PPRC1: variants seen among roughly 807,000 people sequenced by gnomAD.
The protein encoded by PPRC1 is peroxisome proliferator-activated receptor gamma coactivator-related protein 1.
Under a neutral mutation model 132.5 loss-of-function variants are expected in PPRC1, and 23 were observed. The observed-to-expected ratio is 0.17, with a 90% confidence interval of 0.12 to 0.25. PPRC1 has a LOEUF of 0.25. Among genes scored for constraint, PPRC1 ranks in the 10% least tolerant of loss-of-function variants. PPRC1 has a pLI of 1.00. For synonymous variants in PPRC1, 872 were observed against 833.5 expected, an observed-to-expected ratio of 1.05 and a Z score of -0.80; for missense variants, 2,006 against 2,089.1, an observed-to-expected ratio of 0.96 and a Z score of 0.78.
rs141178444 is a variant in PPRC1, at chr10:102,141,493, T to C, written c.2985T>C (p.Ser995=). Residue 995 remains serine, a synonymous_variant, in exon 5 of 14, where the codon TCT becomes TCC. Coordinates refer to ENST00000278070, the MANE Select transcript of PPRC1 (RefSeq NM_015062.5). ...GGCCTCAACATGCTCCATTCTGGTC[T>C]ACTGTTCCCCCACCTCCTTTGCCTC... The part of the protein sequence containing the change: ...GPGPQHAPFW[S]TVPPPPLPPA... 227 of 1,613,850 alleles carry C rather than the reference T, an allele frequency of 1.4e-4. 2 individuals are homozygous for C. In the African/African-American group the frequency reaches 2.5e-3, roughly 18 times the overall value.
chr10:102,134,344 A>G (rs1218995326), intron 1 of PPRC1, among the ~76,000 whole-genome samples: 1 of 152,158 alleles, frequency 6.6e-6, no homozygotes, highest in Admixed American at 6.5e-5. Context: ...AACATGTTCA[A>G]CAGTTGAACA....
At chr10:102,129,249 TC>T (rs765147226), upstream of PPRC1, among the ~76,000 whole-genome samples, 3 of 152,114 alleles carry the variant, frequency 2.0e-5, no homozygotes, top group Non-Finnish European at 2.9e-5. Flanking sequence ...AAATTATAAG[TC>T]AGTTATTATA....
Position 102,145,443 on chromosome 10 carries a change from C to T in PPRC1, c.3679+353C>T, listed in dbSNP as rs145947208. On this transcript the variant is annotated intron_variant, in intron 8 of 13. Transcript: ENST00000278070. ...AAAATTAGTTGGGCGTGGTGGTACA[C>T]GCCTGTAGTCCCAGCTACTTGGGAG... Among the ~76,000 whole-genome samples the T allele has an allele frequency of 4.7e-3, 709 of 151,924 alleles. 10 individuals carry two copies. Among genetic ancestry groups the T allele is most frequent in the African/African-American group, 0.016 (674 of 41,384 alleles).
At chr10:102,120,418 C>A in the PPRC1 span, 2 of 982,826 alleles carry the variant, frequency 2.0e-6, no homozygotes, top group Non-Finnish European at 2.4e-6. Flanking sequence ...TGTGCGCTCC[C>A]GCCGCCGTCG....
At position 102,145,243 on chromosome 10, in the gene PPRC1, G is replaced by A. The variant is rs545448344; in HGVS notation, c.3679+153G>A. On this transcript the variant is annotated intron_variant, in intron 8 of 13. Transcript: ENST00000278070. ...CAGTCTAGGGGGCAGACTTGTAAAC[G>A]AATGAGCATGTTGAGTATCAGGTGC... Among the ~76,000 whole-genome samples the A allele has an allele frequency of 9.8e-5, 15 of 152,344 alleles. No homozygotes were observed. The South Asian group carries it at 2.9e-3, about 29-fold the overall frequency.
upstream of PPRC1, among the ~76,000 whole-genome samples, chr10:102,132,004 A>G (rs919006886): frequency 1.3e-4 from 20 of 152,258 alleles, no homozygotes; most frequent in Non-Finnish European, 2.6e-4. Context: ...TTCATAAAAT[A>G]GAACTGGTGC....
In PPRC1 at chr10:102,149,203, C is replaced by T; in HGVS notation, c.4765C>T (p.Arg1589Cys). The change falls in exon 13 of 14, where the codon CGC (arginine) becomes TGC (cysteine). Residue 1589 changes from arginine (R) to cysteine (C), a missense_variant. This residue lies in a region of PPRC1 where 92 missense variants were observed against 171.9 expected (regional missense o/e 0.54). Coordinates refer to ENST00000278070, the MANE Select transcript of PPRC1 (RefSeq NM_015062.5). ...GGACAACTACGGCTTCGTCACTTAT[C>T]GCTATGCTGAGGAGGCATTTGCAGC... ...QGDNYGFVTY[R>C]YAEEAFAAIE... The T allele has an allele frequency of 6.2e-7, 1 of 1,603,430 alleles. No homozygotes were observed. Among genetic ancestry groups the T allele is most frequent in the Non-Finnish European group, 8.5e-7 (1 of 1,174,408 alleles).
chr10:102,144,742 G>T, intron 7 of PPRC1: 1 of 503,724 alleles, frequency 2.0e-6, no homozygotes, highest in South Asian at 2.6e-5. Flanking sequence ...ATTGATTTCA[G>T]GTTGGTGTGA....
rs139199277 is a variant in PPRC1 at position 102,137,866 on chromosome 10, A to C, written c.170A>C (p.Glu57Ala). 6.3e-5 allele frequency: 102 copies of C among 1,613,514 alleles called. No individual in the cohort carries two copies. The highest frequency in any genetic ancestry group is 8.1e-5 in the Non-Finnish European group (95 of 1,179,874). Residue 57 changes from glutamate to alanine, a missense_variant, in exon 2 of 14, where the codon GAG becomes GCG. Physicochemically the swap from Glu to Ala is moderately radical, Grantham distance 107. Around this residue, in one of 2 missense-constraint regions of PPRC1, gnomAD observed 1,914 missense variants for 1,917.2 expected, o/e 1.00. Coordinates refer to ENST00000278070, the MANE Select transcript of PPRC1 (RefSeq NM_015062.5). Reference sequence around the variant, plus strand: ...CTGCTCCAGGTGCTGCTGCATGAGGAGGCGGGTGATTCTGGCTTTGTCAGT... The same window carrying C: ...CTGCTCCAGGTGCTGCTGCATGAGGCGGCGGGTGATTCTGGCTTTGTCAGT... The part of the protein sequence containing the change: ...SGGEQVLLHE[E>A]AGDSGFVSLS...
chr10:102,123,804 G>GAT, the PPRC1 span, among the ~76,000 whole-genome samples: 1 of 147,952 alleles, frequency 6.8e-6, no homozygotes, highest in East Asian at 2.0e-4. Flanking sequence ...AAAATGCTGG[G>GAT]ATTATAGGCG....
intron 5 of PPRC1, among the ~76,000 whole-genome samples, chr10:102,142,569 C>T (rs2069042327): frequency 6.6e-6 from 1 of 150,708 alleles, no homozygotes; most frequent in Non-Finnish European, 1.5e-5. Context: ...CAGGCACTCA[C>T]ACCCACGCCC....
chr10:102,128,168 T>C (rs1254525432), upstream of PPRC1, among the ~76,000 whole-genome samples: 1 of 150,124 alleles, frequency 6.7e-6, no homozygotes. Context: ...TGAGACAGAG[T>C]CTTGCTCTGT....
the PPRC1 span, among the ~76,000 whole-genome samples, chr10:102,127,000 C>A: frequency 1.1e-5 from 1 of 92,798 alleles, no homozygotes; most frequent in African/African-American, 3.8e-5. Context: ...TCTGGAGAAC[C>A]AAGGAATATG....
chr10:102,130,544 A>C (rs985295110), upstream of PPRC1, among the ~76,000 whole-genome samples: 3 of 151,178 alleles, frequency 2.0e-5, no homozygotes, highest in East Asian at 6.0e-4. Context: ...GAGACCAGCC[A>C]GACCAACATG....
rs1191826301 is a variant in PPRC1 at position 102,144,144 on chromosome 10, G to A, written c.3551-106G>A. On this transcript the variant is annotated intron_variant, in intron 6 of 13. Transcript: ENST00000278070. The stretch of plus-strand genomic sequence containing the variant: ...TTGGGGAGATCCCAACAGGGAATAT[G>A]TAGGCAAAGTGGATTTTCCTCCTTT... 5 of 1,058,694 alleles carry A rather than the reference G, an allele frequency of 4.7e-6. No homozygotes were observed. In the Admixed American group the frequency reaches 5.1e-5, roughly 11 times the overall value. 65.6% of individuals were successfully genotyped at this position (1,058,694 alleles called of 1,614,324 possible).
rs755772726 is a variant in PPRC1 at position 102,140,611 on chromosome 10, C to T, written c.2103C>T (p.Ala701=). Residue 701 remains alanine, a synonymous_variant, in exon 5 of 14, where the codon GCC becomes GCT. Transcript: ENST00000278070. The part of the protein sequence containing the change: ...TDPRRGAVSS[A]LGGSAPQLLV... ...CCAGACGTGGTGCAGTGTCATCAGC[C>T]CTGGGGGGTTCAGCACCCCAGCTCC... is the stretch of plus-strand genomic sequence containing the variant. 2 of 1,614,054 alleles carry T rather than the reference C, an allele frequency of 1.2e-6. No homozygotes were observed. The highest frequency in any genetic ancestry group is 2.7e-5 in the African/African-American group (2 of 75,008).
At chr10:102,133,977 T>TG (rs1357279652) in intron 1 of PPRC1, among the ~76,000 whole-genome samples, 1 of 151,668 alleles carries the variant, frequency 6.6e-6, no homozygotes, top group African/African-American at 2.4e-5. Context: ...TCCCTGCGGA[T>TG]GGCTGAGTGT....
At chr10:102,120,673 A>G in the PPRC1 span, among the ~76,000 whole-genome samples, 2 of 152,066 alleles carry the variant, frequency 1.3e-5, no homozygotes, top group Non-Finnish European at 2.9e-5. Flanking sequence ...GCAGCTTTTA[A>G]AAAAGGAGAC....
chr10:102,148,832 G>C lies in PPRC1; in HGVS notation c.4633G>C (p.Val1545Leu). The C allele has an allele frequency of 6.2e-7, 1 of 1,614,148 alleles. No homozygotes were observed. The highest frequency in any genetic ancestry group is 8.5e-7 in the Non-Finnish European group (1 of 1,180,026). The stretch of plus-strand genomic sequence containing the variant: ...CCAAACATAGGAAGAAAGAAGGGTG[G>C]TCTTCATTGGAAAGATACCTGGCCG... ...KERAIEERRV[V>L]FIGKIPGRMT... Residue 1545 changes from valine (V) to leucine (L), a missense_variant, in exon 12 of 14, where the codon GTC becomes CTC. Coordinates refer to ENST00000278070, the MANE Select transcript of PPRC1 (RefSeq NM_015062.5). The surrounding 1 kb of genome is among the most constrained non-coding windows in gnomAD (Gnocchi z 4.2).
Sources: gnomAD v4.1 joint callset for allele counts (sites outside exome capture counted in the v4.1 genomes callset) on GRCh38, gnomAD v4.1.1 for gene constraint, gnomAD v4.1.1 regional missense constraint, Gnocchi (gnomAD v3.1) non-coding constraint, MANE v1.5 for transcripts, NCBI Gene and HGNC (gene_info 2026-07-23, HGNC 2026-07-21) for gene names.